The following DYRK3 variants were observed in gnomAD, a reference collection of about 807,000 sequenced individuals.
The protein encoded by DYRK3 is dual specificity tyrosine phosphorylation regulated kinase 3, also known as dual specificity tyrosine-phosphorylation-regulated kinase 3.
DYRK3 carries 30 observed loss-of-function variants against 40.8 expected under a neutral mutation model. The observed-to-expected ratio is 0.74, with a 90% confidence interval of 0.55 to 1.00. DYRK3 has a LOEUF of 1.00. DYRK3 is among the 50% of genes least tolerant of loss of function. The probability of loss-of-function intolerance (pLI) is 0.00; values close to 1 mark genes in which losing one functional copy is unlikely to be tolerated. For missense variants in DYRK3, 699 were observed against 731.5 expected, an observed-to-expected ratio of 0.96 and a Z score of 0.51; for synonymous variants, 272 against 260.7, an observed-to-expected ratio of 1.04 and a Z score of -0.42.
chr1:206,639,158 C>T (rs1459397821), intron 2 of DYRK3, among the ~76,000 whole-genome samples: 1 of 152,194 alleles, frequency 6.6e-6, no homozygotes, highest in Non-Finnish European at 1.5e-5. Context: ...GGATTACAGG[C>T]GTGAGCCACC....
At chr1:206,637,093 C>A in intron 1 of DYRK3, 1 of 690,192 alleles carries the variant, frequency 1.4e-6, no homozygotes, top group Non-Finnish European at 2.5e-6. Context: ...GAGAAGACAG[C>A]CTTAAAAAGG....
rs1671673167 is a variant in DYRK3, at chr1:206,653,084, C to T, written c.*4119C>T. Among the ~76,000 whole-genome samples the T allele has an allele frequency of 6.6e-6, 1 of 152,076 alleles. No homozygotes were observed. The highest frequency in any genetic ancestry group is 2.1e-4 in the South Asian group (1 of 4,826). On this transcript the variant is annotated 3_prime_UTR_variant, in exon 3 of 3. Coordinates refer to ENST00000367109, the MANE Select transcript of DYRK3 (RefSeq NM_003582.4). ...TCGTCCAGGCTGGAGTGAAGTGGCG[C>T]AGTGTTGTCTGCAGCCTCAACCTCC... is the stretch of plus-strand genomic sequence containing the variant.
At position 206,648,359 on chromosome 1, in the gene DYRK3, C is replaced by G; in HGVS notation, c.1161C>G (p.Ser387Arg). 6.2e-7 allele frequency: 1 copy of G among 1,614,152 alleles called. No homozygotes were observed. The highest frequency in any genetic ancestry group is 8.5e-7 in the Non-Finnish European group (1 of 1,180,028). ...AAATCATCTTAGGAAGCCGCTACAG[C>G]ACACCAATTGACATATGGAGTTTTG... ...APEIILGSRY[S>R]TPIDIWSFGC... Residue 387 changes from serine to arginine, a missense_variant, in exon 3 of 3, where the codon AGC (serine) becomes AGG (arginine). Physicochemically the swap from Ser to Arg is moderately radical, Grantham distance 110. Coordinates refer to ENST00000367109, the MANE Select transcript of DYRK3 (RefSeq NM_003582.4).
At position 206,646,243 on chromosome 1, in the gene DYRK3, C is replaced by T. The variant is rs1219164892; in HGVS notation, c.190-1145C>T. On this transcript the variant is annotated intron_variant, in intron 2 of 2. Coordinates refer to ENST00000367109, the MANE Select transcript of DYRK3 (RefSeq NM_003582.4). ...CAAGCCAATTAAATGTATCTATCAT[C>T]TCACATAGTTACCCTTTTTTTGTAA... Among the ~76,000 whole-genome samples, 7 of 152,330 alleles carry T rather than the reference C, an allele frequency of 4.6e-5. No individual in the cohort carries two copies. The East Asian group carries it at 1.3e-3, about 29-fold the overall frequency.
In DYRK3 at chr1:206,647,611, T is replaced by C. The variant is rs1553420344; in HGVS notation, c.413T>C (p.Val138Ala). The C allele has an allele frequency of 1.2e-6, 2 of 1,614,156 alleles. No homozygotes were observed. Among genetic ancestry groups the C allele is most frequent in the Admixed American group, 3.3e-5 (2 of 60,012 alleles). The change falls in exon 3 of 3, where the codon GTG becomes GCG. Residue 138 changes from valine (V) to alanine (A), a missense_variant. Physicochemically the swap from Val to Ala is moderately conservative, Grantham distance 64. Coordinates refer to ENST00000367109, the MANE Select transcript of DYRK3 (RefSeq NM_003582.4). ...KSNSSSKAPK[V>A]VPLTPEQALK... Reference sequence around the variant, plus strand: ...AACAGTTCATCCAAGGCACCCAAAGTGGTGCCTCTGACTCCAGAACAAGCC... The same window carrying C: ...AACAGTTCATCCAAGGCACCCAAAGCGGTGCCTCTGACTCCAGAACAAGCC...
In DYRK3 at chr1:206,647,924, T is replaced by C. The variant is rs150070957; in HGVS notation, c.726T>C (p.Asn242=). 1.4e-4 allele frequency: 230 copies of C among 1,613,990 alleles called. No individual in the cohort carries two copies. The highest frequency in any genetic ancestry group is 1.4e-4 in the Non-Finnish European group (168 of 1,180,002). Residue 242 remains asparagine, a synonymous_variant, in exon 3 of 3, where the codon AAT becomes AAC. Coordinates refer to ENST00000367109, the MANE Select transcript of DYRK3 (RefSeq NM_003582.4). ...RQYVALKMVR[N]EKRFHRQAAE... is the part of the protein sequence containing the mutation. ...ACGTGGCCCTAAAAATGGTGCGCAA[T>C]GAGAAGCGCTTTCATCGTCAAGCAG...
At chr1:206,646,050 A>G (rs189791830) in intron 2 of DYRK3, among the ~76,000 whole-genome samples, 2 of 152,148 alleles carry the variant, frequency 1.3e-5, no homozygotes, top group East Asian at 3.9e-4. Context: ...GAGTTTCACC[A>G]TGTTGGCCAA....
intron 2 of DYRK3, among the ~76,000 whole-genome samples, chr1:206,643,390 GTTC>G (rs1484748283): frequency 6.6e-6 from 1 of 152,266 alleles, no homozygotes; most frequent in East Asian, 1.9e-4. Flanking sequence ...ATATGTATCT[GTTC>G]TTATTAATGT....
chr1:206,643,003 C>T (rs1327002294), intron 2 of DYRK3, among the ~76,000 whole-genome samples: 5 of 151,966 alleles, frequency 3.3e-5, no homozygotes, highest in Non-Finnish European at 7.4e-5. Flanking sequence ...CAGAATTCTC[C>T]AGATTCACTG....
At chr1:206,637,061 GGTAA>G in intron 1 of DYRK3, 2 of 903,968 alleles carry the variant, frequency 2.2e-6, no homozygotes, top group East Asian at 2.5e-5. Context: ...GATGTAAGTA[GGTAA>G]GTAAGTAAAT....
In DYRK3 at chr1:206,647,088, C is replaced by G. The variant is rs1210124273; in HGVS notation, c.190-300C>G. Among the ~76,000 whole-genome samples the G allele has an allele frequency of 7.9e-5, 12 of 151,840 alleles. No homozygotes were observed. In the East Asian group the frequency reaches 2.3e-3, roughly 29 times the overall value. On this transcript the variant is annotated intron_variant, in intron 2 of 2. Coordinates refer to ENST00000367109, the MANE Select transcript of DYRK3 (RefSeq NM_003582.4). ...GGGGATGAGGGGGTGGAAGGATTCT[C>G]AGTACAAGGACACATCTGTAAGAAG...
rs540069016 is a variant in DYRK3, at chr1:206,641,913, C to T, written c.189+4152C>T. ...ACACCAAATGCAACGGCAACAAAAG[C>T]CAAAATTGATAAATGGGATCTAATT... On this transcript the variant is annotated intron_variant, in intron 2 of 2. Transcript: ENST00000367109. 3.6e-4 allele frequency among the ~76,000 whole-genome samples: 54 copies of T among 150,696 alleles called. 1 individual carries two copies. The highest frequency in any genetic ancestry group is 3.4e-3 in the Middle Eastern group (1 of 294).
chr1:206,636,746 A>T (rs1322485325), intron 1 of DYRK3: 13 of 508,636 alleles, frequency 2.6e-5, no homozygotes, highest in Non-Finnish European at 4.2e-5. Context: ...TGTATCATGT[A>T]AAATGATACA....
At chr1:206,642,653 G>A (rs941386274) in intron 2 of DYRK3, among the ~76,000 whole-genome samples, 5 of 152,076 alleles carry the variant, frequency 3.3e-5, no homozygotes, top group South Asian at 2.1e-4. Context: ...GCTAGAAACC[G>A]TCATTCTGAG....
rs782674241 is a variant in DYRK3 at position 206,651,850 on chromosome 1, T to C, written c.*2885T>C. Among the ~76,000 whole-genome samples the C allele has an allele frequency of 3.9e-5, 6 of 152,232 alleles. No individual in the cohort carries two copies. Among genetic ancestry groups the C allele is most frequent in the Non-Finnish European group, 7.3e-5 (5 of 68,034 alleles). ...AGTAAATTAGAGAAAATGCTACTTT[T>C]ACTATTTTGCATTTTATATCAACAT... is the stretch of plus-strand genomic sequence containing the variant. On this transcript the variant is annotated 3_prime_UTR_variant, in exon 3 of 3. Coordinates refer to ENST00000367109, the MANE Select transcript of DYRK3 (RefSeq NM_003582.4).
chr1:206,648,844 A>G lies in DYRK3; in HGVS notation c.1646A>G (p.Gln549Arg), dbSNP rs137901718. The G allele has an allele frequency of 6.2e-7, 1 of 1,614,094 alleles. No homozygotes were observed. Among genetic ancestry groups the G allele is most frequent in the Non-Finnish European group, 8.5e-7 (1 of 1,180,034 alleles). Residue 549 changes from glutamine to arginine, a missense_variant, in exon 3 of 3, where the codon CAG becomes CGG. By Grantham distance (43) the Gln-to-Arg change is conservative. Coordinates refer to ENST00000367109, the MANE Select transcript of DYRK3 (RefSeq NM_003582.4). ...GTAGTTAATCCTGCAAGTGCTTTCC[A>G]GGGATTGGGTTCTAAGCTGCCTCCA... Reference protein sequence around the residue: ...KRVVNPASAFQGLGSKLPPVV... With the variant: ...KRVVNPASAFRGLGSKLPPVV...
At chr1:206,636,981 C>A in intron 1 of DYRK3, 1 of 1,581,334 alleles carries the variant, frequency 6.3e-7, no homozygotes, top group Non-Finnish European at 8.7e-7. Flanking sequence ...AAATTCAATA[C>A]ATTTTATAAT....
In DYRK3 at chr1:206,652,186, G is replaced by C. The variant is rs782324209; in HGVS notation, c.*3221G>C. On this transcript the variant is annotated 3_prime_UTR_variant, in exon 3 of 3. Coordinates refer to ENST00000367109, the MANE Select transcript of DYRK3 (RefSeq NM_003582.4). ...CTGTTGTCCTGAATTTTCTAACTTG[G>C]AGAAATTTAAGGATCTCCTGCATTA... 6.6e-5 allele frequency among the ~76,000 whole-genome samples: 10 copies of C among 152,184 alleles called. No homozygotes were observed. Among genetic ancestry groups the C allele is most frequent in the Non-Finnish European group, 1.3e-4 (9 of 68,040 alleles).
chr1:206,648,048 G>A lies in DYRK3; in HGVS notation c.850G>A (p.Val284Ile). 1 of 1,614,166 alleles carries A rather than the reference G, an allele frequency of 6.2e-7. No homozygotes were observed. Among genetic ancestry groups the A allele is most frequent in the Non-Finnish European group, 8.5e-7 (1 of 1,180,030 alleles). ...MLESFTFRNH[V>I]CMAFELLSID... ...GGAAAGTTTCACATTCCGGAACCAT[G>A]TTTGCATGGCCTTTGAATTGCTGAG... The change falls in exon 3 of 3, where the codon GTT becomes ATT. Residue 284 changes from valine to isoleucine, a missense_variant. Coordinates refer to ENST00000367109, the MANE Select transcript of DYRK3 (RefSeq NM_003582.4).
Sources: allele counts gnomAD v4.1 joint callset (sites outside exome capture counted in the v4.1 genomes callset), GRCh38; gene constraint gnomAD v4.1.1; transcripts MANE v1.5; gene names NCBI Gene and HGNC (gene_info 2026-07-23, HGNC 2026-07-21).